Variants in TACC2 observed in about 807,000 individuals in gnomAD.
TACC2 encodes transforming acidic coiled-coil-containing protein 2.
Under a neutral mutation model 227.3 loss-of-function variants are expected in TACC2, and 137 were observed. The observed-to-expected ratio is 0.60, with a 90% CI of 0.52 to 0.69. TACC2 has a LOEUF of 0.69. Among genes scored for constraint, TACC2 ranks in the 30% least tolerant of loss-of-function variants. The pLI, the probability that TACC2 is intolerant of heterozygous loss-of-function variation, is 0.00. For missense variants in TACC2, 3,470 were observed against 3,694.4 expected, an observed-to-expected ratio of 0.94 and a Z score of 1.57; for synonymous variants, 1,523 against 1,487.5, an observed-to-expected ratio of 1.02 and a Z score of -0.55.
chr10:122,051,400 C>CGGGG (rs2075666813), intron 3 of TACC2: 2 of 152,262 alleles, frequency 1.3e-5, no homozygotes, highest in South Asian at 4.1e-4. Context: ...GGCTCCCTGC[C>CGGGG]GGGGCTCTCT....
chr10:122,037,108 G>T (rs146522958), intron 2 of TACC2, among the ~76,000 whole-genome samples: 70 of 152,308 alleles, frequency 4.6e-4, no homozygotes, highest in African/African-American at 1.7e-3. Flanking sequence ...TCTGGAAAAG[G>T]AACATTCTGG....
In TACC2 at chr10:122,141,255, G is replaced by A. The variant is rs2090495035; in HGVS notation, c.5700-2317G>A. On this transcript the variant is annotated intron_variant, in intron 6 of 22. Coordinates refer to ENST00000369005, the MANE Select transcript of TACC2 (RefSeq NM_206862.4). This position sits in a 1 kb window ranked among gnomAD's most constrained non-coding sequence, Gnocchi z 4.3. ...TGGGGGCCCATGTGTTAGCGCTTGGGCTTGGATGGTGAGTCACTGAGTGTT... is the reference window on the plus strand; with the variant it reads ...TGGGGGCCCATGTGTTAGCGCTTGGACTTGGATGGTGAGTCACTGAGTGTT... 1.3e-5 allele frequency among the ~76,000 whole-genome samples: 2 copies of A among 152,172 alleles called. No individual in the cohort carries two copies. The highest frequency in any genetic ancestry group is 4.8e-5 in the African/African-American group (2 of 41,436).
intron 3 of TACC2, among the ~76,000 whole-genome samples, chr10:122,068,671 C>CTTTTTTT (rs55740675): frequency 1.4e-5 from 2 of 146,756 alleles, no homozygotes; most frequent in Non-Finnish European, 3.0e-5. Flanking sequence ...CCTCCGAAAC[C>CTTTTTTT]TTTTTTTTTT....
intron 11 of TACC2, among the ~76,000 whole-genome samples, chr10:122,223,158 A>AT (rs760742083): frequency 6.9e-6 from 1 of 145,080 alleles, no homozygotes; most frequent in Non-Finnish European, 1.5e-5. Context: ...GGTTCCAGTG[A>AT]TTCTTCTGCC....
intron 11 of TACC2, among the ~76,000 whole-genome samples, chr10:122,219,247 C>A (rs2095476732): frequency 6.6e-6 from 1 of 151,888 alleles, no homozygotes; most frequent in African/African-American, 2.4e-5. Flanking sequence ...CCACCTCATC[C>A]CTGTTTCACA....
At chr10:121,991,208 A>G (rs1160387605) in intron 1 of TACC2, among the ~76,000 whole-genome samples, 1 of 152,144 alleles carries the variant, frequency 6.6e-6, no homozygotes, top group Non-Finnish European at 1.5e-5. Context: ...TATTTATTTT[A>G]TGTATGGAGA....
chr10:122,082,539 T>C, intron 3 of TACC2, 108 bp from the exon 4 acceptor site: 1 of 1,220,202 alleles, frequency 8.2e-7, no homozygotes, highest in Non-Finnish European at 1.1e-6. Context: ...TGTCTGTGGT[T>C]AGGGCACTTG....
chr10:122,021,841 A>G (rs1184703617), intron 1 of TACC2, 96 bp from the exon 2 acceptor site: 7 of 694,062 alleles, frequency 1.0e-5, no homozygotes, highest in Non-Finnish European at 1.8e-5. Context: ...AACATTTCCC[A>G]TCATCTGGCT....
intron 5 of TACC2, among the ~76,000 whole-genome samples, chr10:122,132,335 C>G (rs1036836087): frequency 3.3e-5 from 5 of 152,130 alleles, no homozygotes; most frequent in Non-Finnish European, 5.9e-5. Flanking sequence ...CACCTGAAGT[C>G]AGGAGTTTGC....
At chr10:122,152,794 A>G (rs2092175156) in intron 7 of TACC2, among the ~76,000 whole-genome samples, 1 of 152,084 alleles carries the variant, frequency 6.6e-6, no homozygotes. Context: ...GTTTGGCAGG[A>G]CTCAGGGTGG....
chr10:122,007,824 C>T (rs1955371241), intron 1 of TACC2, among the ~76,000 whole-genome samples: 1 of 152,098 alleles, frequency 6.6e-6, no homozygotes, highest in Non-Finnish European at 1.5e-5. Context: ...AAGGTGGGGC[C>T]TTTAATAGGA....
At chr10:122,253,745 A>G (rs2096292259) in intron 22 of TACC2, among the ~76,000 whole-genome samples, 1 of 152,256 alleles carries the variant, frequency 6.6e-6, no homozygotes, top group African/African-American at 2.4e-5. Context: ...CTCAGAAAGA[A>G]ACATGTTATC....
At chr10:122,176,000 G>C (rs1465529464) in intron 7 of TACC2, among the ~76,000 whole-genome samples, 1 of 151,816 alleles carries the variant, frequency 6.6e-6, no homozygotes, top group Admixed American at 6.6e-5. Flanking sequence ...AGGATCGCTT[G>C]AACCCAGGAG....
chr10:122,248,530 T>A, intron 19 of TACC2, 113 bp from the exon 20 acceptor site: 1 of 1,260,492 alleles, frequency 7.9e-7, no homozygotes, highest in Non-Finnish European at 1.1e-6. Context: ...AAAGCTGGGG[T>A]TTGAGATGCC....
intron 3 of TACC2, among the ~76,000 whole-genome samples, chr10:122,071,746 G>A (rs962190248): frequency 6.7e-6 from 1 of 149,198 alleles, no homozygotes; most frequent in South Asian, 2.2e-4. Flanking sequence ...AGTGATCTGG[G>A]CGTGGTGACG....
chr10:122,021,967 G>A lies in TACC2; in HGVS notation c.-15G>A. On this transcript the variant is annotated 5_prime_UTR_variant, in exon 2 of 23. Coordinates refer to ENST00000369005, the MANE Select transcript of TACC2 (RefSeq NM_206862.4). ...TCTGACAAAATTCTGGGGACGCTGG[G>A]AACACTGAATCAACATGGGCAATGA... is the stretch of plus-strand genomic sequence containing the variant. 6.2e-7 allele frequency: 1 copy of A among 1,613,988 alleles called. No individual in the cohort carries two copies. Among genetic ancestry groups the A allele is most frequent in the Non-Finnish European group, 8.5e-7 (1 of 1,179,982 alleles).
At chr10:122,225,270 T>C (rs1002708145) in intron 12 of TACC2, among the ~76,000 whole-genome samples, 4 of 152,244 alleles carry the variant, frequency 2.6e-5, no homozygotes, top group Non-Finnish European at 2.9e-5. Context: ...GACCTCTTGC[T>C]GTTGTCAGCG....
chr10:122,039,831 C>A (rs2074028275), intron 2 of TACC2, among the ~76,000 whole-genome samples: 1 of 151,000 alleles, frequency 6.6e-6, no homozygotes, highest in African/African-American at 2.4e-5. Context: ...TATTGAAACT[C>A]TGAATTTTAG....
intron 1 of TACC2, among the ~76,000 whole-genome samples, chr10:122,021,242 C>A (rs59340112): frequency 6.7e-6 from 1 of 148,440 alleles, no homozygotes; most frequent in Non-Finnish European, 1.5e-5. Flanking sequence ...AAAAAAAAGG[C>A]GGGGGGGAAG....
Sources: gnomAD v4.1 joint callset for allele counts (sites outside exome capture counted in the v4.1 genomes callset) on GRCh38, gnomAD v4.1.1 for gene constraint, Gnocchi (gnomAD v3.1) non-coding constraint, MANE v1.5 for transcripts, NCBI Gene and HGNC (gene_info 2026-07-23, HGNC 2026-07-21) for gene names.